Variants in OSBPL3 observed in about 807,000 individuals in gnomAD.
OSBPL3 encodes oxysterol binding protein like 3, also known as oxysterol-binding protein-related protein 3.
A neutral mutation model predicts 120.1 loss-of-function variants in OSBPL3; 65 were observed. The ratio of observed to expected loss-of-function variants is 0.54; its 90% CI spans 0.44 to 0.67. OSBPL3 has a LOEUF of 0.67. Among genes scored for constraint, OSBPL3 ranks in the 30% least tolerant of loss-of-function variants. OSBPL3 has a pLI of 0.00. For missense variants in OSBPL3, 1,004 were observed against 1,082.1 expected (o/e 0.93, Z 1.01); for synonymous variants, 416 against 402.6 (o/e 1.03, Z -0.40).
rs1236746596 is a variant in OSBPL3 at position 24,804,395 on chromosome 7, CT to C, written c.2486del (p.Lys829SerfsTer15). 1 of 1,613,948 alleles carries C rather than the reference CT, an allele frequency of 6.2e-7. No homozygotes were observed. Among genetic ancestry groups the C allele is most frequent in the Admixed American group, 1.7e-5 (1 of 60,002 alleles). ...EGNLEEAEIQ[K>X]QRIEQLQRER... is the part of the protein sequence containing the mutation. ...CTCTCTGCAGTTGTTCAATCCTCTG[CT>C]TTTGTATTTCAGCTTCTTCTAAGTT... On this transcript the variant is annotated frameshift_variant, in exon 22 of 23. Transcript: ENST00000313367. LOFTEE classifies it high-confidence loss of function. This position sits in a 1 kb window ranked among gnomAD's most constrained non-coding sequence, Gnocchi z 5.4.
intron 5 of OSBPL3, among the ~76,000 whole-genome samples, chr7:24,868,998 T>C (rs957230999): frequency 6.6e-6 from 1 of 152,216 alleles, no homozygotes; most frequent in Non-Finnish European, 1.5e-5. Flanking sequence ...TCTCTGCTAC[T>C]CAGGATCCCT....
upstream of OSBPL3, among the ~76,000 whole-genome samples, chr7:24,981,212 C>T (rs1434338972): frequency 6.6e-6 from 1 of 152,282 alleles, no homozygotes; most frequent in East Asian, 1.9e-4. This position sits in a 1 kb window ranked among gnomAD's most constrained non-coding sequence, Gnocchi z 7.3. Flanking sequence ...GGGCCAAGTC[C>T]ACTTTCGAAA....
In OSBPL3 at chr7:24,842,323, C is replaced by G; in HGVS notation, c.1357G>C (p.Asp453His). Residue 453 changes from aspartate to histidine, a missense_variant, in exon 13 of 23, where the codon GAT becomes CAT. Asp to His is a moderately conservative substitution (Grantham distance 81). Around this residue, in one of 4 missense-constraint regions of OSBPL3, gnomAD observed 473 missense variants for 568.0 expected, o/e 0.83. Transcript: ENST00000313367. ...SITDSLSEFF[D>H]AQEVLLSPSS... ...GGAGATAACAGAACTTCCTGAGCATCAAAAAACTCAGAAAGGGAGTCAGTG... is the reference window on the plus strand; with the variant it reads ...GGAGATAACAGAACTTCCTGAGCATGAAAAAACTCAGAAAGGGAGTCAGTG... The G allele has an allele frequency of 6.2e-7, 1 of 1,613,480 alleles. No homozygotes were observed. Among genetic ancestry groups the G allele is most frequent in the Non-Finnish European group, 8.5e-7 (1 of 1,179,742 alleles).
intron 19 of OSBPL3, among the ~76,000 whole-genome samples, chr7:24,810,666 T>C (rs1343930957): frequency 6.6e-6 from 1 of 152,224 alleles, no homozygotes; most frequent in Admixed American, 6.5e-5. Flanking sequence ...TTTTGGATCC[T>C]TTGGCCAGCA....
At chr7:24,935,461 G>A (rs573800909) in intron 1 of OSBPL3, among the ~76,000 whole-genome samples, 2 of 151,566 alleles carry the variant, frequency 1.3e-5, no homozygotes, top group African/African-American at 2.4e-5. Context: ...TTATGTAATC[G>A]CCACCACAAA....
intron 22 of OSBPL3, 40 bp from the exon 23 acceptor site, chr7:24,800,319 C>T: frequency 8.4e-7 from 1 of 1,183,786 alleles, no homozygotes; most frequent in Non-Finnish European, 1.3e-6. Context: ...CTCTTGAAAC[C>T]AGCGTCACAT....
intron 1 of OSBPL3, among the ~76,000 whole-genome samples, chr7:24,931,253 A>G (rs1163757069): frequency 6.6e-6 from 1 of 152,234 alleles, no homozygotes; most frequent in Non-Finnish European, 1.5e-5. Context: ...GTGAAAAGAG[A>G]TAATTTGGGA....
At chr7:24,924,955 G>C (rs76764675) in intron 1 of OSBPL3, among the ~76,000 whole-genome samples, 6,359 of 151,958 alleles carry the variant, frequency 0.042, 307 homozygotes, top group South Asian at 0.2. Context: ...TCTTTTTTGT[G>C]TGTTTATACA....
rs1296608506 is a variant in OSBPL3 at position 24,851,298 on chromosome 7, A to T, written c.1158+1206T>A. 6.6e-6 allele frequency among the ~76,000 whole-genome samples: 1 copy of T among 152,234 alleles called. No homozygotes were observed. Among genetic ancestry groups the T allele is most frequent in the Non-Finnish European group, 1.5e-5 (1 of 68,038 alleles). ...GCGATTCTATCTGTGACCTTAAGAC[A>T]ACGTTAAGACTCTTCTTTATATATG... is the stretch of plus-strand genomic sequence containing the variant. On this transcript the variant is annotated intron_variant, in intron 11 of 22. Transcript: ENST00000313367. The surrounding 1 kb of genome is among the most constrained non-coding windows in gnomAD (Gnocchi z 4.1).
At position 24,862,816 on chromosome 7, in the gene OSBPL3, A is replaced by T. The variant is rs1800762105; in HGVS notation, c.870+384T>A. ...GCTTAGAGGGATGACAAATCCATGG[A>T]GCATCAGCGGAAGACACAGGTCACA... On this transcript the variant is annotated intron_variant, in intron 9 of 22. Coordinates refer to ENST00000313367, the MANE Select transcript of OSBPL3 (RefSeq NM_015550.4). The surrounding 1 kb of genome is among the most constrained non-coding windows in gnomAD (Gnocchi z 4.4). Among the ~76,000 whole-genome samples the T allele has an allele frequency of 6.6e-6, 1 of 152,106 alleles. No individual in the cohort carries two copies. The highest frequency in any genetic ancestry group is 2.1e-4 in the South Asian group (1 of 4,822).
At chr7:24,865,730 T>C (rs1239164224) in intron 6 of OSBPL3, among the ~76,000 whole-genome samples, 1 of 152,244 alleles carries the variant, frequency 6.6e-6, no homozygotes, top group Non-Finnish European at 1.5e-5. Context: ...TATAAATGTT[T>C]GGAAATATTT....
chr7:24,904,963 A>ATGTGTGTGTGTGTGTG (rs1562909652), intron 1 of OSBPL3, among the ~76,000 whole-genome samples: 1 of 84,500 alleles, frequency 1.2e-5, no homozygotes, highest in Non-Finnish European at 2.6e-5. Context: ...GTGTGTGTGA[A>ATGTGTGTGTGTGTGTG]TAAAGTTAAG....
intron 10 of OSBPL3, 47 bp downstream of exon 10, chr7:24,861,566 C>T: frequency 5.9e-6 from 8 of 1,353,916 alleles, no homozygotes; most frequent in Non-Finnish European, 8.1e-6. Context: ...CAGACATGCA[C>T]TTAACATTTT....
At position 24,918,276 on chromosome 7, in the gene OSBPL3, A is replaced by G. The variant is rs1809964017; in HGVS notation, c.-149-25655T>C. Reference sequence around the variant, plus strand: ...TTTCCTACTTGACCCTATCCTCCCTAAGTTTCCCTCCTTGGTTCTCATGAC... The same window carrying G: ...TTTCCTACTTGACCCTATCCTCCCTGAGTTTCCCTCCTTGGTTCTCATGAC... On this transcript the variant is annotated intron_variant, in intron 1 of 22. Transcript: ENST00000313367. This position sits in a 1 kb window ranked among gnomAD's most constrained non-coding sequence, Gnocchi z 4.3. Among the ~76,000 whole-genome samples, 1 of 152,064 alleles carries G rather than the reference A, an allele frequency of 6.6e-6. No homozygotes were observed. The highest frequency in any genetic ancestry group is 2.4e-5 in the African/African-American group (1 of 41,396).
chr7:24,848,735 T>C (rs778612423), intron 12 of OSBPL3, among the ~76,000 whole-genome samples: 8 of 151,838 alleles, frequency 5.3e-5, no homozygotes, highest in Non-Finnish European at 1.0e-4. Flanking sequence ...GTTTCTTCAG[T>C]AGTAACAAGA....
rs541937556 is a variant in OSBPL3, at chr7:24,827,308, A to T, written c.1884+3460T>A. On this transcript the variant is annotated intron_variant, in intron 16 of 22. Transcript: ENST00000313367. This position sits in a 1 kb window ranked among gnomAD's most constrained non-coding sequence, Gnocchi z 5.1. ...AAGAGCCATACCAGGTACCAGCAGG[A>T]AACAGAATAAATGCTCTGGCACTCT... 6.6e-6 allele frequency among the ~76,000 whole-genome samples: 1 copy of T among 152,370 alleles called. No homozygotes were observed. The highest frequency in any genetic ancestry group is 2.4e-5 in the African/African-American group (1 of 41,588).
At chr7:24,981,157 CTA>C (rs1818296326), upstream of OSBPL3, among the ~76,000 whole-genome samples, 1 of 152,076 alleles carries the variant, frequency 6.6e-6, no homozygotes, top group African/African-American at 2.4e-5. This position sits in a 1 kb window ranked among gnomAD's most constrained non-coding sequence, Gnocchi z 7.3. Context: ...AAATACATAT[CTA>C]TGCAAAAAAT....
At chr7:24,979,846 G>A (rs369335086) in intron 1 of OSBPL3, 40 bp downstream of exon 1, 2 of 978,788 alleles carry the variant, frequency 2.0e-6, no homozygotes, top group African/African-American at 1.8e-5. Context: ...CAGGCCCCCC[G>A]ACACCCAGGC....
chr7:24,884,612 G>A (rs556390089), intron 2 of OSBPL3, among the ~76,000 whole-genome samples: 89 of 152,232 alleles, frequency 5.8e-4, no homozygotes, highest in Middle Eastern at 6.8e-3. Context: ...AAGGGCTCCC[G>A]GGACTCCTCT....
Sources: allele counts gnomAD v4.1 joint callset (sites outside exome capture counted in the v4.1 genomes callset), GRCh38; gene constraint gnomAD v4.1.1; regional missense constraint gnomAD v4.1.1; non-coding constraint Gnocchi (gnomAD v3.1); transcripts MANE v1.5; gene names NCBI Gene and HGNC (gene_info 2026-07-23, HGNC 2026-07-21).